Variants in ZNF407 observed in about 807,000 individuals in gnomAD.
ZNF407 encodes zinc finger protein 407.
A neutral mutation model predicts 131.2 loss-of-function variants in ZNF407; 17 were observed. The observed-to-expected ratio is 0.13, with a 90% CI of 0.09 to 0.19. The LOEUF (loss-of-function observed/expected upper bound fraction) is 0.19, where lower values mean the gene tolerates loss of function less well. ZNF407 is among the 10% of genes least tolerant of loss of function. The pLI is 1.00. For missense variants in ZNF407, 2,681 were observed against 2,830.6 expected, an observed-to-expected ratio of 0.95 and a Z score of 1.20; for synonymous variants, 1,156 against 1,062.0, an observed-to-expected ratio of 1.09 and a Z score of -1.72.
intron 3 of ZNF407, among the ~76,000 whole-genome samples, chr18:74,739,894 A>G (rs75554240): frequency 5.3e-4 from 80 of 152,282 alleles, no homozygotes; most frequent in Admixed American, 2.5e-3. Context: ...ATGGAACTTT[A>G]TTATTGTTAT....
At chr18:74,816,766 A>G (rs946430650) in intron 4 of ZNF407, among the ~76,000 whole-genome samples, 3 of 152,206 alleles carry the variant, frequency 2.0e-5, no homozygotes, top group Non-Finnish European at 4.4e-5. Context: ...TTGCAAATAT[A>G]TTAATGATTT....
At chr18:74,678,438 C>T (rs922589636) in intron 3 of ZNF407, among the ~76,000 whole-genome samples, 3 of 152,188 alleles carry the variant, frequency 2.0e-5, no homozygotes, top group African/African-American at 4.8e-5. Flanking sequence ...GGCCTGCCTG[C>T]AACCCCATTT....
At chr18:74,658,127 T>TATTTATTC (rs1985555926) in intron 3 of ZNF407, among the ~76,000 whole-genome samples, 1 of 151,852 alleles carries the variant, frequency 6.6e-6, no homozygotes, top group Admixed American at 6.6e-5. Context: ...TTTATTTATT[T>TATTTATTC]TTTGAGACGG....
chr18:74,991,582 G>T (rs1409157522), intron 8 of ZNF407, among the ~76,000 whole-genome samples: 1 of 151,962 alleles, frequency 6.6e-6, no homozygotes, highest in Non-Finnish European at 1.5e-5. Flanking sequence ...ATACCTATTC[G>T]GTATTGGTCA....
intron 3 of ZNF407, among the ~76,000 whole-genome samples, chr18:74,684,010 C>A (rs928738902): frequency 3.3e-5 from 5 of 152,136 alleles, no homozygotes; most frequent in Non-Finnish European, 7.4e-5. Flanking sequence ...TAGTGAAAAT[C>A]ATAGAACTGT....
chr18:74,932,253 T>C (rs7235594), intron 8 of ZNF407, among the ~76,000 whole-genome samples: 82,285 of 152,080 alleles, frequency 0.54, 24,696 homozygotes, highest in African/African-American at 0.81. Context: ...ATTTTGCATA[T>C]AGATGTCTCA....
intron 4 of ZNF407, among the ~76,000 whole-genome samples, chr18:74,814,114 TC>T (rs1970235731): frequency 6.6e-6 from 1 of 152,068 alleles, no homozygotes; most frequent in Admixed American, 6.6e-5. Context: ...CAAATAATAC[TC>T]CTTATTGGTT....
At chr18:74,827,223 T>A (rs1970421256) in intron 4 of ZNF407, among the ~76,000 whole-genome samples, 1 of 152,224 alleles carries the variant, frequency 6.6e-6, no homozygotes, top group Non-Finnish European at 1.5e-5. Flanking sequence ...GAAAAGCATA[T>A]GTATTTTGTG....
At chr18:75,038,155 A>G (rs946272334) in intron 8 of ZNF407, among the ~76,000 whole-genome samples, 1 of 152,264 alleles carries the variant, frequency 6.6e-6, no homozygotes, top group Non-Finnish European at 1.5e-5. Flanking sequence ...TTGTGGGTTT[A>G]TCAGCTAAGC....
At chr18:74,939,060 AAG>A (rs1386480956) in intron 8 of ZNF407, among the ~76,000 whole-genome samples, 3 of 152,222 alleles carry the variant, frequency 2.0e-5, no homozygotes, top group Admixed American at 2.0e-4. Flanking sequence ...TTGATTCAGA[AAG>A]AGAGGGTAAT....
intron 3 of ZNF407, among the ~76,000 whole-genome samples, chr18:74,667,110 G>A (rs1985960816): frequency 6.6e-6 from 1 of 152,116 alleles, no homozygotes; most frequent in African/African-American, 2.4e-5. Context: ...AAGTTCAAAT[G>A]TCTTGAACTG....
chr18:74,783,134 C>T (rs1969639425), intron 4 of ZNF407, among the ~76,000 whole-genome samples: 1 of 152,148 alleles, frequency 6.6e-6, no homozygotes, highest in African/African-American at 2.4e-5. Context: ...TGCATTATCT[C>T]AGTCCTTCTT....
intron 3 of ZNF407, among the ~76,000 whole-genome samples, chr18:74,779,343 C>T (rs990652509): frequency 5.3e-5 from 8 of 151,264 alleles, no homozygotes; most frequent in South Asian, 2.1e-4. Context: ...CTCAATCTCC[C>T]GACCTTGTGA....
intron 3 of ZNF407, among the ~76,000 whole-genome samples, chr18:74,774,474 G>A (rs956617554): frequency 2.0e-5 from 3 of 152,152 alleles, no homozygotes; most frequent in African/African-American, 7.2e-5. Context: ...TAAACAAATA[G>A]TCAAGTTTAG....
intron 1 of ZNF407, among the ~76,000 whole-genome samples, chr18:74,623,353 C>T (rs78479496): frequency 2.3e-5 from 3 of 128,948 alleles, no homozygotes; most frequent in South Asian, 5.0e-4. Context: ...AGTGTGAGTG[C>T]GCGTGTGCGT....
chr18:74,944,223 A>AT (rs945398043), intron 8 of ZNF407, among the ~76,000 whole-genome samples: 45 of 152,244 alleles, frequency 3.0e-4, no homozygotes, highest in African/African-American at 7.7e-4. Flanking sequence ...TCTGTTACTA[A>AT]TTTTTTTAAT....
intron 3 of ZNF407, among the ~76,000 whole-genome samples, chr18:74,739,643 A>G (rs184372545): frequency 7.2e-5 from 11 of 152,264 alleles, no homozygotes; most frequent in Non-Finnish European, 1.6e-4. Flanking sequence ...AAGCAAACGT[A>G]TAACCTTACC....
At chr18:74,708,875 G>A (rs1169545763) in intron 3 of ZNF407, among the ~76,000 whole-genome samples, 2 of 152,238 alleles carry the variant, frequency 1.3e-5, no homozygotes, top group African/African-American at 4.8e-5. Context: ...TGAACATAAT[G>A]TGCCCAGGCA....
chr18:74,840,311 G>A (rs1970614874), intron 4 of ZNF407, among the ~76,000 whole-genome samples: 1 of 151,928 alleles, frequency 6.6e-6, no homozygotes, highest in African/African-American at 2.4e-5. Context: ...CTTACCCAGT[G>A]CTGTGGCTGT....
Sources: allele counts gnomAD v4.1 joint callset (sites outside exome capture counted in the v4.1 genomes callset), GRCh38; gene constraint gnomAD v4.1.1; transcripts MANE v1.5; gene names NCBI Gene and HGNC (gene_info 2026-07-23, HGNC 2026-07-21).